Variants in ZPBP2 observed in about 807,000 individuals in gnomAD.
The protein encoded by ZPBP2 is zona pellucida-binding protein 2.
A neutral mutation model predicts 37.5 loss-of-function variants in ZPBP2; 34 were observed. That is an observed-to-expected ratio of 0.91 (90% CI 0.69 to 1.21). The LOEUF (loss-of-function observed/expected upper bound fraction) is 1.21, where lower values mean the gene tolerates loss of function less well. Among genes scored for constraint, ZPBP2 ranks in the 50% most tolerant of loss-of-function variants. The pLI, the probability that ZPBP2 is intolerant of heterozygous loss-of-function variation, is 0.00. For missense variants in ZPBP2, 397 were observed against 413.5 expected, an observed-to-expected ratio of 0.96 and a Z score of 0.35; for synonymous variants, 143 against 138.4, an observed-to-expected ratio of 1.03 and a Z score of -0.23.
chr17:39,870,514 AACTT>A (rs2063359890), intron 2 of ZPBP2, among the ~76,000 whole-genome samples, 176 bp from the exon 3 acceptor site: 2 of 152,236 alleles, frequency 1.3e-5, no homozygotes, highest in Non-Finnish European at 2.9e-5. Flanking sequence ...AGTTTTAAAA[AACTT>A]ACTATGAGAA....
In ZPBP2 at chr17:39,868,612, C is replaced by T; in HGVS notation, c.116C>T (p.Pro39Leu). ...TTCATTTATGGCAAGACAGGACAGC[C>T]AGGTAATAAGGGCCTCTGCACACGC... ...KGFIYGKTGQPDKIYVELHQN... is the reference protein window; with the variant it reads ...KGFIYGKTGQLDKIYVELHQN... Residue 39 changes from proline to leucine, a missense_variant and splice_region_variant, in exon 2 of 8, where the codon CCA becomes CTA. Pro to Leu is a moderately conservative substitution (Grantham distance 98). Transcript: ENST00000348931. The T allele has an allele frequency of 6.2e-7, 1 of 1,614,116 alleles. No homozygotes were observed. Among genetic ancestry groups the T allele is most frequent in the Non-Finnish European group, 8.5e-7 (1 of 1,180,016 alleles).
Position 39,871,528 on chromosome 17 carries a change from G to A in ZPBP2, c.309G>A (p.Leu103=). 1 of 1,609,250 alleles carries A rather than the reference G, an allele frequency of 6.2e-7. No individual in the cohort carries two copies. Among genetic ancestry groups the A allele is most frequent in the South Asian group, 1.1e-5 (1 of 89,814 alleles). The change falls in exon 4 of 8, where the codon TTG becomes TTA. Residue 103 remains leucine, a synonymous_variant. Transcript: ENST00000348931. ...QLMVKDFLEP[L]SGLYTCTLSY... ...TGGTGAAAGATTTTTTGGAGCCTTT[G>A]TCTGGACTTTACACATGTACTCTTT... is the stretch of plus-strand genomic sequence containing the variant.
At chr17:39,868,459 G>A (rs1388102806) in intron 1 of ZPBP2, 53 bp downstream of exon 1, 34 of 1,612,052 alleles carry the variant, frequency 2.1e-5, no homozygotes, top group Non-Finnish European at 8.5e-7. Context: ...CGAGCTTCCC[G>A]GTCCTGCCTC....
Position 39,868,592 on chromosome 17 carries a change from T to G in ZPBP2, c.96T>G (p.Ile32Met). The G allele has an allele frequency of 3.7e-6, 6 of 1,614,152 alleles. No homozygotes were observed. The highest frequency in any genetic ancestry group is 5.1e-6 in the Non-Finnish European group (6 of 1,180,026). ...RFTLFNKKGF[I>M]YGKTGQPDKI... ...CCTTATTCAATAAGAAGGGCTTCAT[T>G]TATGGCAAGACAGGACAGCCAGGTA... Residue 32 changes from isoleucine to methionine, a missense_variant, in exon 2 of 8, where the codon ATT (isoleucine) becomes ATG (methionine). Physicochemically the swap from Ile to Met is conservative, Grantham distance 10 (BLOSUM62 1). Coordinates refer to ENST00000348931, the MANE Select transcript of ZPBP2 (RefSeq NM_199321.3).
At chr17:39,873,311 T>G (rs1255877097) in intron 6 of ZPBP2, among the ~76,000 whole-genome samples, 185 bp downstream of exon 6, 2 of 152,164 alleles carry the variant, frequency 1.3e-5, no homozygotes, top group Admixed American at 6.5e-5. Flanking sequence ...ATTTAAAACA[T>G]TTTTGTAAAT....
At chr17:39,868,446 G>A (rs1271665889) in intron 1 of ZPBP2, 40 bp downstream of exon 1, 1 of 1,611,746 alleles carries the variant, frequency 6.2e-7, no homozygotes, top group South Asian at 1.1e-5. Flanking sequence ...CTCTCCCTCT[G>A]CCCGAGCTTC....
Position 39,872,461 on chromosome 17 carries a change from A to G in ZPBP2, c.598A>G (p.Ile200Val). The change falls in exon 5 of 8, where the codon ATA (isoleucine) becomes GTA (valine). Residue 200 changes from isoleucine (I) to valine (V), a missense_variant. Physicochemically the swap from Ile to Val is conservative, Grantham distance 29. Coordinates refer to ENST00000348931, the MANE Select transcript of ZPBP2 (RefSeq NM_199321.3). The stretch of plus-strand genomic sequence containing the variant: ...TGTTGAAATTCCAGAACATGGCCTC[A>G]TACATGAGCTATTTATAGCATTTCA... Reference protein sequence around the residue: ...HSVEIPEHGLIHELFIAFQVN... With the variant: ...HSVEIPEHGLVHELFIAFQVN... The G allele has an allele frequency of 6.2e-7, 1 of 1,611,492 alleles. No individual in the cohort carries two copies. Among genetic ancestry groups the G allele is most frequent in the Non-Finnish European group, 8.5e-7 (1 of 1,179,130 alleles).
chr17:39,873,839 G>T (rs1245232052), intron 6 of ZPBP2, among the ~76,000 whole-genome samples: 3 of 151,998 alleles, frequency 2.0e-5, no homozygotes, highest in Non-Finnish European at 4.4e-5. Context: ...TCACTCTCTG[G>T]TCTAGTTCCT....
Position 39,877,772 on chromosome 17 carries a change from C to T in ZPBP2, c.*963C>T, listed in dbSNP as rs1008905223. On this transcript the variant is annotated 3_prime_UTR_variant, in exon 8 of 8. Transcript: ENST00000348931. ...CATGTCTTTTTGTGACTTGATAGCT[C>T]ATTTTTTATTGCTGAATAATGTTCA... The T allele has an allele frequency of 1.3e-4, 20 of 152,108 alleles. No homozygotes were observed. Among genetic ancestry groups the T allele is most frequent in the Non-Finnish European group, 1.8e-4 (12 of 68,020 alleles). The allele number at this position is 152,108 out of a possible 1,614,324, so 9.4% of individuals were successfully genotyped here.
At chr17:39,872,087 T>G (rs569358585) in intron 4 of ZPBP2, among the ~76,000 whole-genome samples, 183 bp from the exon 5 acceptor site, 230 of 152,276 alleles carry the variant, frequency 1.5e-3, no homozygotes, top group Non-Finnish European at 2.6e-3. Flanking sequence ...GAAAATAACA[T>G]TTTTCATTAA....
chr17:39,873,211 C>G, intron 6 of ZPBP2, 85 bp downstream of exon 6: 1 of 1,191,060 alleles, frequency 8.4e-7, no homozygotes, highest in Non-Finnish European at 1.2e-6. Context: ...TGCAGTGGTG[C>G]GACCATAGCT....
intron 2 of ZPBP2, 146 bp downstream of exon 2, chr17:39,868,760 G>A: frequency 1.1e-6 from 1 of 898,354 alleles, no homozygotes; most frequent in South Asian, 1.6e-5. Flanking sequence ...AGTTCACGAC[G>A]GTCGCATTTT....
Position 39,876,753 on chromosome 17 carries a change from T to C in ZPBP2, c.961T>C (p.Tyr321His). ...TCAGACCTGCGTTTCCGTCCTTACCTATGGAGCTAAATCTTGCCCACAAAC... is the reference window on the plus strand; with the variant it reads ...TCAGACCTGCGTTTCCGTCCTTACCCATGGAGCTAAATCTTGCCCACAAAC... Reference protein sequence around the residue: ...TCQTCVSVLTYGAKSCPQTSN... With the variant: ...TCQTCVSVLTHGAKSCPQTSN... Residue 321 changes from tyrosine to histidine, a missense_variant, in exon 8 of 8, where the codon TAT becomes CAT. Physicochemically the swap from Tyr to His is moderately conservative, Grantham distance 83. Coordinates refer to ENST00000348931, the MANE Select transcript of ZPBP2 (RefSeq NM_199321.3). 6.2e-7 allele frequency: 1 copy of C among 1,613,950 alleles called. No individual in the cohort carries two copies. Among genetic ancestry groups the C allele is most frequent in the Non-Finnish European group, 8.5e-7 (1 of 1,179,932 alleles).
chr17:39,876,917 A>G lies in ZPBP2; in HGVS notation c.*108A>G. 7.3e-7 allele frequency: 1 copy of G among 1,371,040 alleles called. No individual in the cohort carries two copies. Among genetic ancestry groups the G allele is most frequent in the Non-Finnish European group, 1.0e-6 (1 of 1,001,718 alleles). 84.9% of individuals were successfully genotyped at this position (1,371,040 alleles called of 1,614,324 possible). On this transcript the variant is annotated 3_prime_UTR_variant, in exon 8 of 8. Transcript: ENST00000348931. ...TAAGTAAAATCAGTAAGACCAAACC[A>G]CTGGAAAACATGCATTTTGGAAACT...
intron 5 of ZPBP2, 80 bp from the exon 6 acceptor site, chr17:39,872,964 A>G: frequency 4.7e-6 from 6 of 1,271,174 alleles, no homozygotes; most frequent in Non-Finnish European, 5.6e-6. Flanking sequence ...TGCACATGGA[A>G]TTCAGCACTT....
In ZPBP2 at chr17:39,871,550, C is replaced by T. The variant is rs1283341075; in HGVS notation, c.331C>T (p.Leu111Phe). ...EPLSGLYTCT[L>F]SYKTVKAETQ... ...TTTGTCTGGACTTTACACATGTACT[C>T]TTTCTTATAAGACTGTTAAAGCAGA... Residue 111 changes from leucine to phenylalanine, a missense_variant, in exon 4 of 8, where the codon CTT (leucine) becomes TTT (phenylalanine). Transcript: ENST00000348931. 6.2e-7 allele frequency: 1 copy of T among 1,608,650 alleles called. No individual in the cohort carries two copies. Among genetic ancestry groups the T allele is most frequent in the Non-Finnish European group, 8.5e-7 (1 of 1,177,662 alleles).
rs769988434 is a variant in ZPBP2, at chr17:39,868,381, C to G, written c.27C>G (p.Ser9=). The change falls in exon 1 of 8, where the codon TCC becomes TCG. Residue 9 remains serine (S), a synonymous_variant. Coordinates refer to ENST00000348931, the MANE Select transcript of ZPBP2 (RefSeq NM_199321.3). The part of the protein sequence containing the change: MMRTCVLL[S]AVLWCLTGVQ... ...TGATGCGAACGTGCGTCCTACTCTC[C>G]GCGGTGCTCTGGTGCCTCACAGGAG... 6.2e-7 allele frequency: 1 copy of G among 1,610,396 alleles called. No individual in the cohort carries two copies. Among genetic ancestry groups the G allele is most frequent in the South Asian group, 1.1e-5 (1 of 91,078 alleles).
At chr17:39,871,707 AGTCT>A in intron 4 of ZPBP2, 82 bp downstream of exon 4, 1 of 1,182,492 alleles carries the variant, frequency 8.5e-7, no homozygotes, top group African/African-American at 1.6e-5. Context: ...AATGAAAATG[AGTCT>A]GTAATAGGTG....
In ZPBP2 at chr17:39,871,580, C is replaced by A; in HGVS notation, c.361C>A (p.Gln121Lys). Residue 121 changes from glutamine (Q) to lysine (K), a missense_variant, in exon 4 of 8, where the codon CAA (glutamine) becomes AAA (lysine). Physicochemically the swap from Gln to Lys is moderately conservative, Grantham distance 53. Transcript: ENST00000348931. ...LSYKTVKAETQEEKTVKKRYD... is the reference protein window; with the variant it reads ...LSYKTVKAETKEEKTVKKRYD... ...TTATAAGACTGTTAAAGCAGAAACTCAAGAAGAAAAAACAGTCAAAAAGAG... is the reference window on the plus strand; with the variant it reads ...TTATAAGACTGTTAAAGCAGAAACTAAAGAAGAAAAAACAGTCAAAAAGAG... The A allele has an allele frequency of 6.3e-7, 1 of 1,594,900 alleles. No homozygotes were observed. The highest frequency in any genetic ancestry group is 1.2e-5 in the South Asian group (1 of 86,436).
Sources: allele counts gnomAD v4.1 joint callset (sites outside exome capture counted in the v4.1 genomes callset), GRCh38; gene constraint gnomAD v4.1.1; transcripts MANE v1.5; gene names NCBI Gene and HGNC (gene_info 2026-07-23, HGNC 2026-07-21).